CDH17: variants seen among roughly 807,000 people sequenced by gnomAD.
CDH17 encodes cadherin-17.
A neutral mutation model predicts 86.3 loss-of-function variants in CDH17; 67 were observed. The observed-to-expected ratio is 0.78, with a 90% CI of 0.64 to 0.95. The LOEUF (loss-of-function observed/expected upper bound fraction) is 0.95. Among genes scored for constraint, CDH17 ranks in the 40% least tolerant of loss-of-function variants. CDH17 has a pLI of 0.00. For missense variants in CDH17, 993 were observed against 1,017.6 expected, an observed-to-expected ratio of 0.98 and a Z score of 0.33; for synonymous variants, 367 against 366.4, an observed-to-expected ratio of 1.00 and a Z score of -0.02.
intron 1 of CDH17, among the ~76,000 whole-genome samples, chr8:94,213,734 C>A (rs557145628): frequency 6.6e-6 from 1 of 152,308 alleles, no homozygotes; most frequent in Admixed American, 6.5e-5. Context: ...TTGCCAACAA[C>A]CTCCTCATGA....
chr8:94,161,288 C>T (rs968425341), intron 11 of CDH17, among the ~76,000 whole-genome samples: 5 of 152,200 alleles, frequency 3.3e-5, no homozygotes, highest in Admixed American at 2.6e-4. Context: ...TCCACTCACA[C>T]CTCTTCCCAC....
chr8:94,182,681 G>A (rs1168582471), intron 3 of CDH17, among the ~76,000 whole-genome samples: 1 of 152,030 alleles, frequency 6.6e-6, no homozygotes, highest in Non-Finnish European at 1.5e-5. Context: ...AAGACTGAAA[G>A]CTTTCTCCAT....
At chr8:94,181,512 T>C (rs1053068236) in intron 3 of CDH17, among the ~76,000 whole-genome samples, 4 of 151,928 alleles carry the variant, frequency 2.6e-5, no homozygotes, top group African/African-American at 9.7e-5. Flanking sequence ...ATCACTAATA[T>C]GTAAAATAAC....
chr8:94,175,111 C>T (rs1586262512), intron 5 of CDH17, among the ~76,000 whole-genome samples: 1 of 152,084 alleles, frequency 6.6e-6, no homozygotes, highest in African/African-American at 2.4e-5. Flanking sequence ...CTAGAAAATT[C>T]TACAAATCAG....
chr8:94,154,704 G>C (rs1470797456), intron 12 of CDH17, among the ~76,000 whole-genome samples: 1 of 152,168 alleles, frequency 6.6e-6, no homozygotes, highest in Non-Finnish European at 1.5e-5. Flanking sequence ...AAACTGACAA[G>C]CTGCACATCC....
At position 94,169,715 on chromosome 8, in the gene CDH17, A is replaced by T. The variant is rs112802320; in HGVS notation, c.1066+682T>A. On this transcript the variant is annotated intron_variant, in intron 9 of 17. Transcript: ENST00000027335. ...ACTGCCAAGGGGGAAACAGACAAGCATTGTCCCAAACCCAGAGAAGCCATA... is the reference window on the plus strand; with the variant it reads ...ACTGCCAAGGGGGAAACAGACAAGCTTTGTCCCAAACCCAGAGAAGCCATA... Among the ~76,000 whole-genome samples the T allele has an allele frequency of 6.4e-3, 981 of 152,318 alleles. 12 individuals are homozygous for T. Among genetic ancestry groups the T allele is most frequent in the African/African-American group, 0.022 (905 of 41,578 alleles).
At chr8:94,167,722 G>A (rs1415594679) in intron 9 of CDH17, among the ~76,000 whole-genome samples, 1 of 152,070 alleles carries the variant, frequency 6.6e-6, no homozygotes, top group African/African-American at 2.4e-5. Context: ...AGAAACTGAG[G>A]ACACTGTCCT....
At position 94,180,617 on chromosome 8, in the gene CDH17, C is replaced by A. The variant is rs567641590; in HGVS notation, c.151-2896G>T. Among the ~76,000 whole-genome samples, 7 of 152,246 alleles carry A rather than the reference C, an allele frequency of 4.6e-5. No individual in the cohort carries two copies. The East Asian group carries it at 7.7e-4, about 17-fold the overall frequency. ...GACACATTCAAAGTGCTAAAAGAGG[C>A]CGGGTGCAGTGGCTCATGCCTGTAA... is the stretch of plus-strand genomic sequence containing the variant. On this transcript the variant is annotated intron_variant, in intron 3 of 17. Transcript: ENST00000027335.
At chr8:94,181,009 C>T (rs912223152) in intron 3 of CDH17, among the ~76,000 whole-genome samples, 1 of 143,362 alleles carries the variant, frequency 7.0e-6, no homozygotes, top group Non-Finnish European at 1.5e-5. Context: ...GTAAATCCTA[C>T]AAAACTATCC....
upstream of CDH17, among the ~76,000 whole-genome samples, chr8:94,209,083 A>G (rs1184358173): frequency 1.3e-5 from 2 of 152,196 alleles, no homozygotes; most frequent in Non-Finnish European, 2.9e-5. Flanking sequence ...TTGAAATCCA[A>G]GGGTCCCTTC....
At chr8:94,151,112 T>C (rs996868835) in intron 13 of CDH17, among the ~76,000 whole-genome samples, 1 of 152,240 alleles carries the variant, frequency 6.6e-6, no homozygotes, top group Non-Finnish European at 1.5e-5. Flanking sequence ...GCTGAAATAT[T>C]TCCTATGCCA....
chr8:94,179,028 A>C (rs1813425579), intron 3 of CDH17, among the ~76,000 whole-genome samples: 1 of 146,708 alleles, frequency 6.8e-6, no homozygotes, highest in African/African-American at 2.6e-5. Context: ...ATGCTTGCAA[A>C]ATCCAAGGAA....
At chr8:94,168,112 A>G (rs1475042036) in intron 9 of CDH17, among the ~76,000 whole-genome samples, 3 of 16,772 alleles carry the variant, frequency 1.8e-4, no homozygotes, top group African/African-American at 6.4e-4. Context: ...ATATATATAT[A>G]TATATATATA....
chr8:94,167,904 G>T (rs1813186679), intron 9 of CDH17, among the ~76,000 whole-genome samples: 1 of 151,820 alleles, frequency 6.6e-6, no homozygotes, highest in African/African-American at 2.4e-5. Context: ...ACTGATACAG[G>T]AGTATACGTA....
At chr8:94,188,363 G>A (rs1445325096) in intron 3 of CDH17, among the ~76,000 whole-genome samples, 1 of 152,004 alleles carries the variant, frequency 6.6e-6, no homozygotes, top group African/African-American at 2.4e-5. Flanking sequence ...AGATACAGAG[G>A]GCCGTCTGTA....
chr8:94,204,677 A>G (rs1251494300), intron 1 of CDH17, among the ~76,000 whole-genome samples: 1 of 152,232 alleles, frequency 6.6e-6, no homozygotes, highest in Admixed American at 6.5e-5. Flanking sequence ...TGGGATTACT[A>G]GCATAATTAT....
In CDH17 at chr8:94,194,688, T is replaced by G; in HGVS notation, c.-3A>C. 1 of 1,597,422 alleles carries G rather than the reference T, an allele frequency of 6.3e-7. No individual in the cohort carries two copies. The highest frequency in any genetic ancestry group is 8.6e-7 in the Non-Finnish European group (1 of 1,169,524). On this transcript the variant is annotated 5_prime_UTR_variant, in exon 2 of 18. Transcript: ENST00000027335. ...TGAAGATGGGCCTGAAGTATCATAG[T>G]TTTCTTTATTCAAATTCCTGTGAAG...
At chr8:94,191,449 CTTTT>C (rs34208252) in intron 2 of CDH17, among the ~76,000 whole-genome samples, 15 of 119,826 alleles carry the variant, frequency 1.3e-4, no homozygotes, top group Non-Finnish European at 1.9e-4. Context: ...CAAGAAAATG[CTTTT>C]TTTTTTTTTT....
intron 1 of CDH17, among the ~76,000 whole-genome samples, chr8:94,214,659 T>A (rs1814169277): frequency 6.6e-6 from 1 of 152,194 alleles, no homozygotes; most frequent in Admixed American, 6.5e-5. Flanking sequence ...GGACTGGACT[T>A]AATCAAAATT....
Sources: gnomAD v4.1 joint callset for allele counts (sites outside exome capture counted in the v4.1 genomes callset) on GRCh38, gnomAD v4.1.1 for gene constraint, MANE v1.5 for transcripts, NCBI Gene and HGNC (gene_info 2026-07-23, HGNC 2026-07-21) for gene names.